The following ATXN3 variants were observed in gnomAD, a reference collection of about 807,000 sequenced individuals.
ATXN3 encodes ataxin-3.
In ATXN3, 28 loss-of-function variants were observed where a neutral mutation model predicts 58.2. The ratio of observed to expected loss-of-function variants is 0.48; its 90% CI spans 0.36 to 0.66. The LOEUF (loss-of-function observed/expected upper bound fraction) is 0.66, where lower values mean the gene tolerates loss of function less well. Ranked by LOEUF, ATXN3 falls within the 30% of genes least tolerant of loss-of-function variation. ATXN3 has a pLI of 0.00. For synonymous variants in ATXN3, 113 were observed against 138.5 expected (o/e 0.82, Z 1.29); for missense variants, 321 against 422.1 (o/e 0.76, Z 2.10).
Position 92,063,989 on chromosome 14 carries a change from C to T in ATXN3, c.*331G>A, listed in dbSNP as rs1273112743. 6 of 164,360 alleles carry T rather than the reference C, an allele frequency of 3.7e-5. No individual in the cohort carries two copies. Among genetic ancestry groups the T allele is most frequent in the East Asian group, 3.4e-4 (2 of 5,802 alleles). 10.2% of individuals were successfully genotyped at this position (164,360 alleles called of 1,614,324 possible). A position where few individuals can be genotyped will look rare whatever the true frequency, so the allele number is the denominator to read the frequency against. On this transcript the variant is annotated 3_prime_UTR_variant, in exon 11 of 11. Coordinates refer to ENST00000644486, the MANE Select transcript of ATXN3 (RefSeq NM_004993.6). ...CAAACTATATGGAAAAAGCCTGAGGCGAGAGCTAATTAGCTAGTCTGCAAA... is the reference window on the plus strand; with the variant it reads ...CAAACTATATGGAAAAAGCCTGAGGTGAGAGCTAATTAGCTAGTCTGCAAA...
intron 10 of ATXN3, among the ~76,000 whole-genome samples, chr14:92,070,452 G>A (rs7153696): frequency 0.29 from 43,752 of 151,844 alleles, 6,727 homozygotes; most frequent in East Asian, 0.44. Context: ...TGTGGCGGGC[G>A]CCTGTAGTCC....
intron 6 of ATXN3, among the ~76,000 whole-genome samples, chr14:92,084,864 G>A (rs1420010389): frequency 6.6e-6 from 1 of 152,120 alleles, no homozygotes; most frequent in Admixed American, 6.5e-5. Context: ...ACAGGTGTGA[G>A]CCACCGCGCC....
At chr14:92,055,300 G>A (rs899211470), downstream of ATXN3, among the ~76,000 whole-genome samples, 4 of 152,158 alleles carry the variant, frequency 2.6e-5, no homozygotes, top group Non-Finnish European at 5.9e-5. This position sits in a 1 kb window ranked among gnomAD's most constrained non-coding sequence, Gnocchi z 4.5. Context: ...GATTTTGGAA[G>A]GGAGCAAATA....
intron 7 of ATXN3, 138 bp from the exon 8 acceptor site, chr14:92,082,604 G>C: frequency 1.3e-6 from 1 of 744,832 alleles, no homozygotes; most frequent in Non-Finnish European, 2.0e-6. Flanking sequence ...GTAATATAAT[G>C]ATTGTGTTGC....
At chr14:92,090,903 G>A (rs937912114) in intron 5 of ATXN3, among the ~76,000 whole-genome samples, 2 of 150,554 alleles carry the variant, frequency 1.3e-5, no homozygotes, top group African/African-American at 4.9e-5. Context: ...TTTTTACCTA[G>A]AGGTGATTCC....
intron 1 of ATXN3, among the ~76,000 whole-genome samples, chr14:92,100,727 G>T (rs1245246042): frequency 1.3e-5 from 2 of 152,124 alleles, no homozygotes; most frequent in East Asian, 3.8e-4. Flanking sequence ...GGAATGCAGT[G>T]GAGAGACAGT....
intron 1 of ATXN3, among the ~76,000 whole-genome samples, chr14:92,105,981 C>T (rs1167520934): frequency 6.6e-6 from 1 of 152,200 alleles, no homozygotes; most frequent in Non-Finnish European, 1.5e-5. Flanking sequence ...GTGGGCGAGC[C>T]AAGGTCTCCT....
intron 9 of ATXN3, among the ~76,000 whole-genome samples, chr14:92,079,759 C>T (rs764428144): frequency 5.3e-5 from 8 of 151,686 alleles, no homozygotes; most frequent in Non-Finnish European, 8.8e-5. Flanking sequence ...TTTTTTGAGA[C>T]GAAGTCTCGC....
At chr14:92,078,510 C>T (rs113362282) in intron 9 of ATXN3, among the ~76,000 whole-genome samples, 1,814 of 151,856 alleles carry the variant, frequency 0.012, 37 homozygotes, top group African/African-American at 0.039. Context: ...TACAAGCATG[C>T]GCCACCACGC....
chr14:92,078,385 G>A (rs945629855), intron 9 of ATXN3, among the ~76,000 whole-genome samples: 7 of 128,408 alleles, frequency 5.5e-5, no homozygotes, highest in African/African-American at 2.1e-4. Context: ...TATTTGAGAT[G>A]GAGTTTCACT....
intron 10 of ATXN3, among the ~76,000 whole-genome samples, chr14:92,069,669 G>A (rs77086230): frequency 0.019 from 2,859 of 152,320 alleles, 53 homozygotes; most frequent in South Asian, 0.081. Context: ...ACCATGCCTG[G>A]TCAGCTATAA....
intron 9 of ATXN3, 147 bp downstream of exon 9, chr14:92,080,817 TA>T: frequency 1.4e-6 from 1 of 717,674 alleles, no homozygotes; most frequent in Non-Finnish European, 2.4e-6. Flanking sequence ...ATCACAGGCG[TA>T]AGCCACCGTG....
intron 5 of ATXN3, chr14:92,090,536 T>C (rs964888168): frequency 6.6e-6 from 1 of 152,204 alleles, no homozygotes; most frequent in African/African-American, 2.4e-5. Flanking sequence ...TGTTAATACT[T>C]TTTCCAGCCT....
At chr14:92,067,017 G>T in intron 10 of ATXN3, among the ~76,000 whole-genome samples, 1 of 152,062 alleles carries the variant, frequency 6.6e-6, no homozygotes, top group East Asian at 1.9e-4. Flanking sequence ...TGATCTGCCT[G>T]CCTCAGCCTC....
At chr14:92,105,780 G>A (rs949531932) in intron 1 of ATXN3, among the ~76,000 whole-genome samples, 4 of 152,170 alleles carry the variant, frequency 2.6e-5, no homozygotes, top group African/African-American at 9.7e-5. Context: ...CAGCAGGCTA[G>A]GCAGACTACA....
intron 1 of ATXN3, among the ~76,000 whole-genome samples, chr14:92,102,461 C>CA (rs2067060204): frequency 6.6e-6 from 1 of 152,134 alleles, no homozygotes; most frequent in South Asian, 2.1e-4. Context: ...CCCAGGTTTT[C>CA]AAGACCAACC....
rs2063105636 is a variant in ATXN3 at position 92,088,621 on chromosome 14, G to A, written c.475+109C>T. On this transcript the variant is annotated intron_variant, in intron 6 of 10. Coordinates refer to ENST00000644486, the MANE Select transcript of ATXN3 (RefSeq NM_004993.6). Reference sequence around the variant, plus strand: ...TATCACCACGTCAAAACTAAAGATTGTTTCACTGCCACTGCCAGAAAAACA... The same window carrying A: ...TATCACCACGTCAAAACTAAAGATTATTTCACTGCCACTGCCAGAAAAACA... 4 of 795,504 alleles carry A rather than the reference G, an allele frequency of 5.0e-6. No homozygotes were observed. The Middle Eastern group carries it at 7.7e-4, about 154-fold the overall frequency. The allele number at this position is 795,504 out of a possible 1,614,324, so 49.3% of individuals were successfully genotyped here. A position where few individuals can be genotyped will look rare whatever the true frequency, so the allele number is the denominator to read the frequency against.
chr14:92,104,141 T>C (rs1184658887), intron 1 of ATXN3, among the ~76,000 whole-genome samples: 1 of 152,202 alleles, frequency 6.6e-6, no homozygotes, highest in Non-Finnish European at 1.5e-5. Flanking sequence ...GGGACTCTTT[T>C]TTCCTTTTCT....
chr14:92,056,395 A>G (rs1433555143), downstream of ATXN3, among the ~76,000 whole-genome samples: 1 of 152,240 alleles, frequency 6.6e-6, no homozygotes, highest in Admixed American at 6.5e-5. Flanking sequence ...ATGAATAAGC[A>G]AAATGTGCAT....
Sources: gnomAD v4.1 joint callset for allele counts (sites outside exome capture counted in the v4.1 genomes callset) on GRCh38, gnomAD v4.1.1 for gene constraint, Gnocchi (gnomAD v3.1) non-coding constraint, MANE v1.5 for transcripts, NCBI Gene and HGNC (gene_info 2026-07-23, HGNC 2026-07-21) for gene names.